GGACT: variants seen among roughly 807,000 people sequenced by gnomAD.
GGACT encodes the protein gamma-glutamylaminecyclotransferase.
For synonymous variants in GGACT, 118 were observed against 115.3 expected (o/e 1.02, Z -0.15); for missense variants, 241 against 233.2 (o/e 1.03, Z -0.22).
chr13:100,581,326 C>T (rs947189142), intron 2 of GGACT, among the ~76,000 whole-genome samples: 2 of 152,124 alleles, frequency 1.3e-5, no homozygotes, highest in African/African-American at 4.8e-5. Flanking sequence ...CAAGATCAAT[C>T]TAGGGCATCT....
intron 2 of GGACT, among the ~76,000 whole-genome samples, chr13:100,569,009 T>C (rs758635435): frequency 3.9e-5 from 6 of 152,266 alleles, no homozygotes; most frequent in Non-Finnish European, 7.3e-5. Context: ...AGGTGGGCTC[T>C]CATGGCCTTG....
intron 2 of GGACT, among the ~76,000 whole-genome samples, chr13:100,578,040 G>A (rs1875304507): frequency 6.6e-6 from 1 of 152,196 alleles, no homozygotes; most frequent in African/African-American, 2.4e-5. Flanking sequence ...AGATAGAAAA[G>A]GGAAATGGAT....
At chr13:100,588,253 C>G (rs566741240) in intron 1 of GGACT, among the ~76,000 whole-genome samples, 1 of 152,148 alleles carries the variant, frequency 6.6e-6, no homozygotes, top group Non-Finnish European at 1.5e-5. Context: ...TCCAAAGAAA[C>G]CTTAGATCAG....
chr13:100,540,259 C>A, intron 2 of GGACT: 5 of 1,232,650 alleles, frequency 4.1e-6, no homozygotes, highest in Non-Finnish European at 5.9e-6. Flanking sequence ...CTTGGAGGCA[C>A]GGACCGGAGA....
intron 2 of GGACT, among the ~76,000 whole-genome samples, chr13:100,550,343 C>CTGGCCCTTCTAAGG (rs2088649750): frequency 3.3e-5 from 2 of 60,430 alleles, no homozygotes; most frequent in African/African-American, 1.0e-4. Flanking sequence ...CACACACACA[C>CTGGCCCTTCTAAGG]ACACACACAC....
intron 2 of GGACT, among the ~76,000 whole-genome samples, chr13:100,557,356 T>TG (rs755446783): frequency 2.0e-5 from 3 of 152,224 alleles, no homozygotes; most frequent in Non-Finnish European, 4.4e-5. Context: ...AAGACCCACT[T>TG]ACTTGTATAC....
chr13:100,533,637 G>C (rs2088449684), intron 2 of GGACT: 1 of 152,228 alleles, frequency 6.6e-6, no homozygotes, highest in Admixed American at 6.5e-5. Flanking sequence ...TGACGCAGCG[G>C]AGCTCAGCAC....
chr13:100,588,253 C>A (rs566741240), intron 1 of GGACT, among the ~76,000 whole-genome samples: 1 of 152,148 alleles, frequency 6.6e-6, no homozygotes, highest in African/African-American at 2.4e-5. Flanking sequence ...TCCAAAGAAA[C>A]CTTAGATCAG....
intron 2 of GGACT, among the ~76,000 whole-genome samples, chr13:100,581,686 G>A (rs1875422061): frequency 6.6e-6 from 1 of 152,186 alleles, no homozygotes; most frequent in African/African-American, 2.4e-5. Context: ...CTTCCTTTCA[G>A]AGCACAGTAT....
intron 2 of GGACT, among the ~76,000 whole-genome samples, chr13:100,558,208 A>G (rs563821826): frequency 7.3e-5 from 11 of 151,448 alleles, no homozygotes; most frequent in Non-Finnish European, 1.5e-4. Flanking sequence ...AAAAGTGGGC[A>G]AAACAGCCAG....
intron 1 of GGACT, among the ~76,000 whole-genome samples, chr13:100,585,879 C>CTTGTGTTGTAGT (rs1197738854): frequency 7.0e-6 from 1 of 143,488 alleles, no homozygotes; most frequent in East Asian, 2.1e-4. Context: ...TGGCACATGC[C>CTTGTGTTGTAGT]TGTAATCCCA....
At chr13:100,548,728 C>T (rs549819937) in intron 2 of GGACT, among the ~76,000 whole-genome samples, 3 of 152,144 alleles carry the variant, frequency 2.0e-5, no homozygotes, top group African/African-American at 4.8e-5. Context: ...ATGTAAGAAC[C>T]GAGAGCTGAT....
intron 2 of GGACT, among the ~76,000 whole-genome samples, chr13:100,569,002 T>C (rs553962441): frequency 2.4e-4 from 37 of 152,368 alleles, no homozygotes; most frequent in Non-Finnish European, 4.4e-4. Context: ...ATGCAAGAGG[T>C]GGGCTCTCAT....
rs1335559820 is a variant in GGACT at position 100,583,811 on chromosome 13, C to T, written c.-11+14G>A. The T allele has an allele frequency of 6.6e-6, 1 of 152,194 alleles. No homozygotes were observed. Among genetic ancestry groups the T allele is most frequent in the Non-Finnish European group, 1.5e-5 (1 of 68,036 alleles). The allele number at this position is 152,194 out of a possible 1,614,324, so 9.4% of individuals were successfully genotyped here. A position where few individuals can be genotyped will look rare whatever the true frequency, so the allele number is the denominator to read the frequency against. On this transcript the variant is annotated intron_variant, in intron 2 of 2. Transcript: ENST00000683975. ...AGCAATGAACACTCTAGAACAGAGGCTAACAGTTCTCACCTGTAAGCTTGT... is the reference window on the plus strand; with the variant it reads ...AGCAATGAACACTCTAGAACAGAGGTTAACAGTTCTCACCTGTAAGCTTGT...
chr13:100,540,185 G>A (rs551940682), intron 2 of GGACT: 138 of 1,526,384 alleles, frequency 9.0e-5, no homozygotes, highest in East Asian at 5.4e-4. Context: ...TTAGTGCAGC[G>A]AATAGGCTGC....
chr13:100,548,242 C>A (rs543232596), intron 2 of GGACT, among the ~76,000 whole-genome samples: 1 of 152,334 alleles, frequency 6.6e-6, no homozygotes, highest in South Asian at 2.1e-4. Context: ...CATTTGGAAC[C>A]TTTGGGCTAG....
At chr13:100,553,825 C>T (rs969599657) in intron 2 of GGACT, among the ~76,000 whole-genome samples, 1 of 116,614 alleles carries the variant, frequency 8.6e-6, no homozygotes, top group East Asian at 2.5e-4. Flanking sequence ...GCGGGGGTGA[C>T]GAAGCGAGAC....
intron 2 of GGACT, among the ~76,000 whole-genome samples, chr13:100,565,493 C>T (rs979763231): frequency 3.3e-5 from 5 of 152,056 alleles, no homozygotes; most frequent in African/African-American, 9.7e-5. Context: ...GTGTTTGAAA[C>T]GAGGTCGCTG....
At position 100,588,762 on chromosome 13, in the gene GGACT, G is replaced by C. The variant is rs965194462; in HGVS notation, c.-205C>G. On this transcript the variant is annotated 5_prime_UTR_variant, in exon 1 of 3. Transcript: ENST00000683975. ...TCACCTGCCGGCAGCCGGGGCTGTC[G>C]GGGAGGGCAGGGCCAGGGCGGAAAT... The C allele has an allele frequency of 6.6e-6, 1 of 151,774 alleles. No individual in the cohort carries two copies. Among genetic ancestry groups the C allele is most frequent in the African/African-American group, 2.4e-5 (1 of 41,380 alleles). 9.4% of individuals were successfully genotyped at this position (151,774 alleles called of 1,614,324 possible).
Sources: gnomAD v4.1 joint callset for allele counts (sites outside exome capture counted in the v4.1 genomes callset) on GRCh38, gnomAD v4.1.1 for gene constraint, MANE v1.5 for transcripts, NCBI Gene and HGNC (gene_info 2026-07-23, HGNC 2026-07-21) for gene names.